LMLN: variants seen among roughly 807,000 people sequenced by gnomAD.
LMLN encodes the protein leishmanolysin-like peptidase.
Under a neutral mutation model 92.3 loss-of-function variants are expected in LMLN, and 70 were observed. The ratio of observed to expected loss-of-function variants is 0.76; its 90% confidence interval spans 0.63 to 0.92. The LOEUF (loss-of-function observed/expected upper bound fraction) is 0.92. LMLN is among the 40% of genes least tolerant of loss of function. The pLI, the probability that LMLN is intolerant of heterozygous loss-of-function variation, is 0.00. For missense variants in LMLN, 691 were observed against 814.6 expected (o/e 0.85, Z 1.85); for synonymous variants, 308 against 296.2 (o/e 1.04, Z -0.41).
intron 1 of LMLN, among the ~76,000 whole-genome samples, chr3:197,968,339 A>T (rs973907985): frequency 1.3e-5 from 2 of 152,016 alleles, no homozygotes; most frequent in Non-Finnish European, 2.9e-5. Flanking sequence ...GTGTGGTGGC[A>T]GGCACCTGTA....
chr3:197,960,374 C>T (rs761323585), exon 1 of LMLN: 3 of 1,613,974 alleles, frequency 1.9e-6, no homozygotes, highest in Non-Finnish European at 2.5e-6. Flanking sequence ...GGGCCAGCGC[C>T]ACATCTACTC....
chr3:197,982,707 T>C (rs79822983), intron 6 of LMLN, among the ~76,000 whole-genome samples: 9,839 of 152,296 alleles, frequency 0.065, 378 homozygotes, highest in African/African-American at 0.1. Context: ...CAAATAAATA[T>C]GTGATTTCAA....
chr3:198,002,692 C>G (rs931519807), intron 11 of LMLN, among the ~76,000 whole-genome samples: 2 of 152,148 alleles, frequency 1.3e-5, no homozygotes, highest in South Asian at 4.1e-4. Context: ...GAGCTGGGAT[C>G]GTGCCACTGC....
intron 1 of LMLN, among the ~76,000 whole-genome samples, chr3:197,967,217 A>G (rs1721083700): frequency 6.6e-6 from 1 of 152,146 alleles, no homozygotes; most frequent in African/African-American, 2.4e-5. Context: ...TTTCCTCTCT[A>G]ATAATAACTT....
intron 6 of LMLN, among the ~76,000 whole-genome samples, chr3:197,980,995 CAG>C (rs1261730895): frequency 2.0e-5 from 3 of 152,042 alleles, no homozygotes; most frequent in Non-Finnish European, 4.4e-5. Context: ...CCCAGCTACT[CAG>C]GGGGCTGAGG....
rs192255027 is a variant in LMLN at position 197,991,141 on chromosome 3, C to G, written c.1047+465C>G. 4.9e-3 allele frequency among the ~76,000 whole-genome samples: 726 copies of G among 148,276 alleles called. 30 individuals are homozygous for G. Among genetic ancestry groups the G allele is most frequent in the Admixed American group, 0.047 (698 of 14,830 alleles). On this transcript the variant is annotated intron_variant, in intron 9 of 15. Transcript: ENST00000330198. ...TTTTTTTTTTTGATACAGGGTCTCA[C>G]TCTGTCACCCAGGCTGGAGTGTAGT...
intron 11 of LMLN, among the ~76,000 whole-genome samples, chr3:198,006,670 T>G (rs1255058757): frequency 1.3e-5 from 2 of 152,148 alleles, no homozygotes; most frequent in African/African-American, 4.8e-5. Flanking sequence ...TCTTTTCATG[T>G]GCTTACTCAC....
At chr3:197,983,993 C>T in exon 7 of LMLN, 1 of 1,613,896 alleles carries the variant, frequency 6.2e-7, no homozygotes, top group Non-Finnish European at 8.5e-7. Context: ...TCTACCCAGC[C>T]TCAGGAGTTT....
At chr3:197,994,553 G>A (rs1272228727) in intron 9 of LMLN, 1 of 152,122 alleles carries the variant, frequency 6.6e-6, no homozygotes, top group Non-Finnish European at 1.5e-5. Context: ...AAAGCACAAT[G>A]AGATGTCATT....
intron 13 of LMLN, among the ~76,000 whole-genome samples, chr3:198,024,240 G>A (rs1245163520): frequency 6.8e-6 from 1 of 147,388 alleles, no homozygotes; most frequent in African/African-American, 2.5e-5. Context: ...TTTTGAGACG[G>A]AGTCTCTCTC....
chr3:198,009,252 A>G (rs544533877), intron 11 of LMLN, among the ~76,000 whole-genome samples: 1 of 152,310 alleles, frequency 6.6e-6, no homozygotes, highest in African/African-American at 2.4e-5. Flanking sequence ...CAGTGATAAT[A>G]ATGGATTCAT....
At chr3:197,983,688 G>A (rs1367816302) in intron 6 of LMLN, among the ~76,000 whole-genome samples, 4 of 151,922 alleles carry the variant, frequency 2.6e-5, no homozygotes, top group Non-Finnish European at 5.9e-5. Context: ...TCTTTTTTGG[G>A]TATTATATTG....
chr3:198,002,379 C>T (rs1722197831), intron 11 of LMLN, among the ~76,000 whole-genome samples: 1 of 152,202 alleles, frequency 6.6e-6, no homozygotes. Context: ...GGTCAACCGC[C>T]TCAGCCTCCC....
chr3:198,008,228 A>G (rs1224447329), intron 11 of LMLN, among the ~76,000 whole-genome samples: 7 of 152,158 alleles, frequency 4.6e-5, no homozygotes, highest in African/African-American at 4.8e-5. Flanking sequence ...TTAATTAATC[A>G]GTATGGCTCT....
At chr3:197,999,728 T>C in intron 11 of LMLN, 1 of 168,572 alleles carries the variant, frequency 5.9e-6, no homozygotes, top group South Asian at 1.5e-4. Flanking sequence ...GGTTTTGTCA[T>C]GTTACCCAGG....
At chr3:197,975,652 A>C (rs568240631) in intron 3 of LMLN, among the ~76,000 whole-genome samples, 1 of 152,266 alleles carries the variant, frequency 6.6e-6, no homozygotes, top group African/African-American at 2.4e-5. Context: ...AAGTTAGTCC[A>C]TCATTCATAG....
At chr3:198,000,651 C>T (rs1722147333) in intron 11 of LMLN, among the ~76,000 whole-genome samples, 1 of 152,156 alleles carries the variant, frequency 6.6e-6, no homozygotes, top group Non-Finnish European at 1.5e-5. Context: ...TGGTCTGGAA[C>T]TCGTGACCTC....
chr3:198,011,345 T>C (rs1195486080), intron 11 of LMLN, among the ~76,000 whole-genome samples: 1 of 152,164 alleles, frequency 6.6e-6, no homozygotes, highest in Non-Finnish European at 1.5e-5. Context: ...CATTGTTCAA[T>C]TCCCACCTAT....
intron 8 of LMLN, among the ~76,000 whole-genome samples, chr3:197,989,930 G>A (rs1302760528): frequency 3.9e-5 from 6 of 152,026 alleles, no homozygotes; most frequent in Admixed American, 6.6e-5. Flanking sequence ...GCTGGAGTGC[G>A]GCTGTGTGAA....
Sources: allele counts gnomAD v4.1 joint callset (sites outside exome capture counted in the v4.1 genomes callset), GRCh38; gene constraint gnomAD v4.1.1; transcripts MANE v1.5; gene names NCBI Gene and HGNC (gene_info 2026-07-23, HGNC 2026-07-21).